NTM: variants seen among roughly 807,000 people sequenced by gnomAD.
NTM encodes neurotrimin.
Under a neutral mutation model 42.1 loss-of-function variants are expected in NTM, and 13 were observed. The observed-to-expected ratio is 0.31, with a 90% confidence interval of 0.20 to 0.49. The LOEUF is 0.49. Among genes scored for constraint, NTM ranks in the 20% least tolerant of loss-of-function variants. NTM has a pLI of 0.99. For missense variants in NTM, 373 were observed against 452.8 expected, an observed-to-expected ratio of 0.82 and a Z score of 1.60; for synonymous variants, 187 against 179.2, an observed-to-expected ratio of 1.04 and a Z score of -0.35.
At chr11:131,416,185 C>A (rs750015347) in intron 1 of NTM, among the ~76,000 whole-genome samples, 6 of 149,370 alleles carry the variant, frequency 4.0e-5, no homozygotes, top group Admixed American at 2.7e-4. Context: ...GAAGTTTCTT[C>A]TTTTCATGTT....
At chr11:132,328,387 C>G (rs2095729238) in intron 7 of NTM, among the ~76,000 whole-genome samples, 1 of 152,080 alleles carries the variant, frequency 6.6e-6, no homozygotes, top group South Asian at 2.1e-4. Flanking sequence ...TATGTGGACA[C>G]TAAAAAGAGT....
intron 2 of NTM, among the ~76,000 whole-genome samples, chr11:131,988,009 A>G: frequency 6.6e-6 from 1 of 152,230 alleles, no homozygotes; most frequent in East Asian, 1.9e-4. Flanking sequence ...AACAACAAAC[A>G]TTTATTCCTC....
Position 131,896,302 on chromosome 11 carries a change from C to T in NTM, c.83-15262C>T, listed in dbSNP as rs142217220. ...AAAAAATGACCTATATAAAGTCTGA[C>T]TGAATCTGAAGGAGAAATAAATAGA... On this transcript the variant is annotated intron_variant, in intron 1 of 8. Transcript: ENST00000683400. 3.3e-5 allele frequency among the ~76,000 whole-genome samples: 5 copies of T among 152,192 alleles called. No homozygotes were observed. In the East Asian group the frequency reaches 9.7e-4, roughly 29 times the overall value.
chr11:131,436,841 G>T (rs1273546379), intron 1 of NTM, among the ~76,000 whole-genome samples: 2 of 151,984 alleles, frequency 1.3e-5, no homozygotes, highest in African/African-American at 4.8e-5. Flanking sequence ...GAATTTGTTT[G>T]CTCTCGCTTC....
At chr11:131,843,461 C>A (rs781498187) in intron 1 of NTM, among the ~76,000 whole-genome samples, 20 of 152,226 alleles carry the variant, frequency 1.3e-4, no homozygotes, top group South Asian at 1.0e-3. Context: ...ACAGATAGAC[C>A]ACCCATTCAT....
chr11:131,722,280 G>T (rs2135408362), intron 1 of NTM, among the ~76,000 whole-genome samples: 2 of 152,252 alleles, frequency 1.3e-5, no homozygotes, highest in East Asian at 3.9e-4. Context: ...TTAGATAGGG[G>T]ACTATTCTGC....
In NTM at chr11:131,628,108, T is replaced by C. The variant is rs191428011; in HGVS notation, c.82+257220T>C. ...GAAACTCAAATTCTTCAAGATTGCT[T>C]AGAAAGTTGGGAGGACCCACGAAGC... On this transcript the variant is annotated intron_variant, in intron 1 of 8. Coordinates refer to ENST00000683400, the MANE Select transcript of NTM (RefSeq NM_001352005.2). Among the ~76,000 whole-genome samples the C allele has an allele frequency of 3.3e-3, 499 of 152,214 alleles. 4 individuals are homozygous for C. Among genetic ancestry groups the C allele is most frequent in the Non-Finnish European group, 3.6e-3 (248 of 68,014 alleles).
intron 1 of NTM, among the ~76,000 whole-genome samples, chr11:131,665,712 A>C (rs1201438455): frequency 2.6e-5 from 4 of 152,232 alleles, no homozygotes; most frequent in Middle Eastern, 3.2e-3. Context: ...GCAAACTAAC[A>C]AAGTCACAAA....
chr11:132,119,569 G>C (rs1290845597), intron 2 of NTM, among the ~76,000 whole-genome samples: 1 of 152,244 alleles, frequency 6.6e-6, no homozygotes, highest in African/African-American at 2.4e-5. Context: ...GTTCAATCAG[G>C]ACGGGAAGCA....
Position 132,146,429 on chromosome 11 carries a change from G to A in NTM, c.315G>A (p.Val105=). 1 of 1,614,218 alleles carries A rather than the reference G, an allele frequency of 6.2e-7. No homozygotes were observed. The highest frequency in any genetic ancestry group is 2.2e-5 in the East Asian group (1 of 44,874). ...AGTACAGCATCGAGATCCAGAACGT[G>A]GATGTGTATGACGAGGGCCCTTACA... ...QTQYSIEIQN[V]DVYDEGPYTC... The change falls in exon 3 of 9, where the codon GTG becomes GTA. Residue 105 remains valine (V), a synonymous_variant. Coordinates refer to ENST00000683400, the MANE Select transcript of NTM (RefSeq NM_001352005.2). This position sits in a 1 kb window ranked among gnomAD's most constrained non-coding sequence, Gnocchi z 4.5.
At chr11:131,889,321 T>C (rs541426310) in intron 1 of NTM, among the ~76,000 whole-genome samples, 1 of 152,244 alleles carries the variant, frequency 6.6e-6, no homozygotes, top group African/African-American at 2.4e-5. Flanking sequence ...ACAGCCTCCT[T>C]CCTTTTAAGG....
intron 2 of NTM, among the ~76,000 whole-genome samples, chr11:131,971,876 C>G (rs1209735106): frequency 2.1e-5 from 3 of 145,080 alleles, no homozygotes; most frequent in Non-Finnish European, 3.0e-5. Context: ...AACCCCGTCT[C>G]TACTAAAAAT....
chr11:131,397,902 C>T (rs894690382), intron 1 of NTM, among the ~76,000 whole-genome samples: 2 of 152,196 alleles, frequency 1.3e-5, no homozygotes, highest in African/African-American at 4.8e-5. Flanking sequence ...TCTGTCTGCC[C>T]TTCACTTGAG....
intron 8 of NTM, among the ~76,000 whole-genome samples, chr11:132,332,061 G>C (rs1343349270): frequency 6.6e-6 from 1 of 152,216 alleles, no homozygotes; most frequent in Non-Finnish European, 1.5e-5. Flanking sequence ...TCGATTTGGG[G>C]TAGAAACATC....
intron 1 of NTM, among the ~76,000 whole-genome samples, chr11:131,582,930 C>A (rs2058545085): frequency 1.3e-5 from 2 of 152,162 alleles, no homozygotes; most frequent in Non-Finnish European, 2.9e-5. Flanking sequence ...GGCTTCATGG[C>A]CTGTACTTTC....
At chr11:131,608,694 C>T (rs971149201) in intron 1 of NTM, among the ~76,000 whole-genome samples, 1 of 152,144 alleles carries the variant, frequency 6.6e-6, no homozygotes, top group Non-Finnish European at 1.5e-5. Flanking sequence ...TTGTCTTTCT[C>T]TCTCTCCCTT....
intron 2 of NTM, among the ~76,000 whole-genome samples, chr11:132,039,419 T>G (rs1235646999): frequency 6.6e-6 from 1 of 150,444 alleles, no homozygotes; most frequent in Non-Finnish European, 1.5e-5. Context: ...CTCATAATTT[T>G]TTTTTTTTTT....
chr11:131,850,068 A>G (rs2045360657), intron 1 of NTM, among the ~76,000 whole-genome samples: 1 of 151,900 alleles, frequency 6.6e-6, no homozygotes, highest in African/African-American at 2.4e-5. Flanking sequence ...CATCAACAGT[A>G]ACCTAATGCC....
intron 4 of NTM, among the ~76,000 whole-genome samples, chr11:132,293,737 T>C (rs1162546763): frequency 6.6e-6 from 1 of 152,050 alleles, no homozygotes; most frequent in African/African-American, 2.4e-5. Context: ...GAGAATACTA[T>C]GTTGTAACAC....
Sources: allele counts gnomAD v4.1 joint callset (sites outside exome capture counted in the v4.1 genomes callset), GRCh38; gene constraint gnomAD v4.1.1; non-coding constraint Gnocchi (gnomAD v3.1); transcripts MANE v1.5; gene names NCBI Gene and HGNC (gene_info 2026-07-23, HGNC 2026-07-21).